Variants in PTK2B observed in about 807,000 individuals in gnomAD.
PTK2B encodes protein tyrosine kinase 2 beta, also known as protein-tyrosine kinase 2-beta.
A neutral mutation model predicts 142.9 loss-of-function variants in PTK2B; 71 were observed. That is an observed-to-expected ratio of 0.50 (90% CI 0.41 to 0.61). The LOEUF is 0.61. Among genes scored for constraint, PTK2B ranks in the 20% least tolerant of loss-of-function variants. PTK2B has a pLI of 0.00. For synonymous variants in PTK2B, 519 were observed against 503.4 expected (o/e 1.03, Z -0.42); for missense variants, 1,105 against 1,320.4 (o/e 0.84, Z 2.53).
intron 1 of PTK2B, among the ~76,000 whole-genome samples, chr8:27,344,308 T>C (rs903906038): frequency 3.3e-5 from 5 of 152,314 alleles, no homozygotes; most frequent in Non-Finnish European, 7.3e-5. Flanking sequence ...ATTCACACTA[T>C]ATCAGCAAGG....
chr8:27,330,641 G>T (rs898049938), intron 1 of PTK2B, among the ~76,000 whole-genome samples: 1 of 152,130 alleles, frequency 6.6e-6, no homozygotes, highest in Non-Finnish European at 1.5e-5. Context: ...CGGCAGAGGG[G>T]GAGGGGATAG....
chr8:27,450,345 T>C (rs1811724026), intron 24 of PTK2B, among the ~76,000 whole-genome samples: 1 of 152,212 alleles, frequency 6.6e-6, no homozygotes, highest in South Asian at 2.1e-4. Flanking sequence ...TGGAAACCCT[T>C]TGGATGCTTT....
chr8:27,332,739 A>G (rs1029414442), intron 1 of PTK2B, among the ~76,000 whole-genome samples: 1 of 151,932 alleles, frequency 6.6e-6, no homozygotes, highest in South Asian at 2.1e-4. Context: ...ATGCCACCAC[A>G]CCCGGCTAAT....
Position 27,458,645 on chromosome 8 carries a change from C to T in PTK2B, c.*136C>T. 3.6e-6 allele frequency: 3 copies of T among 836,404 alleles called. No homozygotes were observed. The highest frequency in any genetic ancestry group is 1.7e-5 in the South Asian group (1 of 59,932). 51.8% of individuals were successfully genotyped at this position (836,404 alleles called of 1,614,324 possible). On this transcript the variant is annotated 3_prime_UTR_variant, in exon 31 of 31. Transcript: ENST00000346049. Reference sequence around the variant, plus strand: ...CTTCCCTTGCCACTTTGCACGACGCCCTCTCCCCACCCCTACCCCTGGCTG... The same window carrying T: ...CTTCCCTTGCCACTTTGCACGACGCTCTCTCCCCACCCCTACCCCTGGCTG...
At chr8:27,380,840 A>T (rs1308691730) in intron 1 of PTK2B, 1 of 152,234 alleles carries the variant, frequency 6.6e-6, no homozygotes, top group Non-Finnish European at 1.5e-5. Context: ...GGGCCAAGCC[A>T]GCCATTCTTC....
At chr8:27,395,824 T>G (rs1808011532) in intron 1 of PTK2B, among the ~76,000 whole-genome samples, 1 of 152,200 alleles carries the variant, frequency 6.6e-6, no homozygotes, top group Non-Finnish European at 1.5e-5. Flanking sequence ...TGATGTTTCC[T>G]GGGGTTACCT....
intron 1 of PTK2B, among the ~76,000 whole-genome samples, chr8:27,346,284 C>T (rs1290101811): frequency 1.3e-5 from 2 of 152,144 alleles, no homozygotes; most frequent in Non-Finnish European, 2.9e-5. Flanking sequence ...TGCCTGTAAT[C>T]CTAGCACTTG....
intron 1 of PTK2B, among the ~76,000 whole-genome samples, chr8:27,361,214 GT>G (rs1216536077): frequency 6.6e-6 from 1 of 151,562 alleles, no homozygotes; most frequent in African/African-American, 2.4e-5. Flanking sequence ...TTTCTTTTTT[GT>G]TTCCTTTTTG....
At position 27,453,113 on chromosome 8, in the gene PTK2B, G is replaced by A; in HGVS notation, c.2549-1G>A. ...CCCACTTGCTGTTCTTTTTATTGCA[G>A]TGGAGTTCACAGGGCCCCCACAGAA... On this transcript the variant is annotated splice_acceptor_variant, in intron 27 of 30. Transcript: ENST00000346049. LOFTEE classifies it high-confidence loss of function. The A allele has an allele frequency of 6.2e-7, 1 of 1,614,108 alleles. No homozygotes were observed. Among genetic ancestry groups the A allele is most frequent in the Non-Finnish European group, 8.5e-7 (1 of 1,180,008 alleles).
chr8:27,357,527 C>A (rs532891201), intron 1 of PTK2B, among the ~76,000 whole-genome samples: 6 of 152,344 alleles, frequency 3.9e-5, no homozygotes, highest in African/African-American at 7.2e-5. Flanking sequence ...CTCCCTTAAC[C>A]GCTATCAGGA....
chr8:27,334,868 G>A lies in PTK2B; in HGVS notation c.-38+9187G>A, dbSNP rs527371246. ...CTGAAGGTGGAGATTTCCTACAGCC[G>A]AGAGAGAGGGAGTCAGCAGTCTAGG... On this transcript the variant is annotated intron_variant, in intron 1 of 30. Coordinates refer to ENST00000346049, the MANE Select transcript of PTK2B (RefSeq NM_173176.3). Among the ~76,000 whole-genome samples, 168 of 152,244 alleles carry A rather than the reference G, an allele frequency of 1.1e-3. 1 individual carries two copies. The highest frequency in any genetic ancestry group is 6.8e-3 in the Middle Eastern group (2 of 294).
At position 27,450,898 on chromosome 8, in the gene PTK2B, G is replaced by A; in HGVS notation, c.2487+3G>A. 1 of 1,614,144 alleles carries A rather than the reference G, an allele frequency of 6.2e-7. No homozygotes were observed. The highest frequency in any genetic ancestry group is 1.3e-5 in the African/African-American group (1 of 75,050). The stretch of plus-strand genomic sequence containing the variant: ...TCAGGCAGGAGGAGAAGTCCCTGGT[G>A]AGCACCCCAGGAAGGATGTCGGTGC... On this transcript the variant is annotated splice_donor_region_variant and intron_variant, in intron 25 of 30. Coordinates refer to ENST00000346049, the MANE Select transcript of PTK2B (RefSeq NM_173176.3).
intron 1 of PTK2B, among the ~76,000 whole-genome samples, chr8:27,339,980 G>A (rs943987139): frequency 6.6e-6 from 1 of 152,212 alleles, no homozygotes; most frequent in African/African-American, 2.4e-5. Flanking sequence ...GCAGGTGGCT[G>A]TTTTCCTTTC....
intron 1 of PTK2B, among the ~76,000 whole-genome samples, chr8:27,390,189 A>C (rs1325233949): frequency 6.6e-6 from 1 of 151,970 alleles, no homozygotes; most frequent in Non-Finnish European, 1.5e-5. Flanking sequence ...AGCAGAGGAG[A>C]GGGAGGCATG....
At chr8:27,322,139 C>T (rs982850915), upstream of PTK2B, among the ~76,000 whole-genome samples, 5 of 152,138 alleles carry the variant, frequency 3.3e-5, no homozygotes, top group East Asian at 3.8e-4. Context: ...TACAGGCATA[C>T]ACCACTATGC....
chr8:27,431,169 C>A, intron 8 of PTK2B, 153 bp downstream of exon 8: 1 of 1,469,630 alleles, frequency 6.8e-7, no homozygotes, highest in Non-Finnish European at 9.2e-7. Context: ...AAGTCAAAAG[C>A]ATCCCCTTGC....
intron 2 of PTK2B, among the ~76,000 whole-genome samples, chr8:27,414,340 G>T (rs569116369): frequency 6.6e-6 from 1 of 152,078 alleles, no homozygotes; most frequent in East Asian, 1.9e-4. Flanking sequence ...CACCTCCTGG[G>T]TTCACACCAT....
At chr8:27,400,844 G>A (rs908421406) in intron 2 of PTK2B, among the ~76,000 whole-genome samples, 1 of 152,180 alleles carries the variant, frequency 6.6e-6, no homozygotes, top group Non-Finnish European at 1.5e-5. Flanking sequence ...GACAAGATTC[G>A]GGTGTCATTA....
At chr8:27,321,780 A>T (rs533522122), upstream of PTK2B, among the ~76,000 whole-genome samples, 29 of 152,264 alleles carry the variant, frequency 1.9e-4, no homozygotes, top group Non-Finnish European at 3.5e-4. Flanking sequence ...TGACCATCTG[A>T]AAGTCAGGGA....
Sources: allele counts gnomAD v4.1 joint callset (sites outside exome capture counted in the v4.1 genomes callset), GRCh38; gene constraint gnomAD v4.1.1; transcripts MANE v1.5; gene names NCBI Gene and HGNC (gene_info 2026-07-23, HGNC 2026-07-21).